TMEM178B: variants seen among roughly 807,000 people sequenced by gnomAD.
TMEM178B encodes the protein transmembrane protein 178B.
A neutral mutation model predicts 31.0 loss-of-function variants in TMEM178B; 5 were observed. The ratio of observed to expected loss-of-function variants is 0.16; its 90% CI spans 0.08 to 0.34. TMEM178B has a LOEUF of 0.34. Ranked by LOEUF, TMEM178B falls within the 10% of genes least tolerant of loss-of-function variation. TMEM178B has a pLI of 1.00. For synonymous variants in TMEM178B, 164 were observed against 164.0 expected, an observed-to-expected ratio of 1.00 and a Z score of 0.00; for missense variants, 275 against 400.3, an observed-to-expected ratio of 0.69 and a Z score of 2.67.
At chr7:141,509,187 T>C in the TMEM178B span, among the ~76,000 whole-genome samples, 2 of 152,150 alleles carry the variant, frequency 1.3e-5, no homozygotes, top group African/African-American at 4.8e-5. Flanking sequence ...TGGTATGTTC[T>C]TTAGAAGATA....
At chr7:141,165,678 A>C (rs1488300332) in intron 1 of TMEM178B, among the ~76,000 whole-genome samples, 1 of 152,176 alleles carries the variant, frequency 6.6e-6, no homozygotes, top group Non-Finnish European at 1.5e-5. Flanking sequence ...GTTCAACACA[A>C]AACTTCTGCT....
intron 2 of TMEM178B, chr7:141,416,449 C>A (rs1228109790): frequency 6.6e-6 from 1 of 152,558 alleles, no homozygotes; most frequent in Non-Finnish European, 1.5e-5. Context: ...AGAGAAATAT[C>A]TTGCCTCTTG....
intron 2 of TMEM178B, among the ~76,000 whole-genome samples, chr7:141,381,959 A>G (rs951104177): frequency 6.6e-6 from 1 of 151,762 alleles, no homozygotes; most frequent in Non-Finnish European, 1.5e-5. Context: ...ACCGTCTGCT[A>G]TCTAGTTAAT....
intron 2 of TMEM178B, among the ~76,000 whole-genome samples, chr7:141,304,222 C>A (rs59432351): frequency 6.6e-6 from 1 of 151,870 alleles, no homozygotes; most frequent in Admixed American, 6.6e-5. Flanking sequence ...ATCTTCCCAC[C>A]TGAAAGATCT....
Position 141,331,265 on chromosome 7 carries a change from T to C in TMEM178B, c.497-106343T>C, listed in dbSNP as rs561064394. Among the ~76,000 whole-genome samples, 6 of 152,264 alleles carry C rather than the reference T, an allele frequency of 3.9e-5. No homozygotes were observed. The South Asian group carries it at 1.2e-3, about 32-fold the overall frequency. ...GATGATAACACCAAGGGAGTAAATG[T>C]AAGTAGAAAAGAAAAGTATTGGACT... On this transcript the variant is annotated intron_variant, in intron 2 of 3. Transcript: ENST00000565468.
At chr7:141,507,254 G>A in the TMEM178B span, among the ~76,000 whole-genome samples, 1,167 of 152,304 alleles carry the variant, frequency 7.7e-3, 9 homozygotes, top group African/African-American at 0.024. Context: ...CTCCAACCCC[G>A]CGTTTCCCTT....
chr7:141,266,051 T>G (rs1798090626), intron 2 of TMEM178B, among the ~76,000 whole-genome samples: 1 of 152,198 alleles, frequency 6.6e-6, no homozygotes, highest in Non-Finnish European at 1.5e-5. Flanking sequence ...TCTAGCCCAT[T>G]CTGGAGCACA....
the TMEM178B span, among the ~76,000 whole-genome samples, chr7:141,490,631 C>G: frequency 3.3e-5 from 5 of 152,190 alleles, no homozygotes; most frequent in African/African-American, 1.2e-4. Context: ...CCAGCAAGCT[C>G]GTACACCTAT....
intron 1 of TMEM178B, among the ~76,000 whole-genome samples, chr7:141,154,325 T>C (rs1008401070): frequency 1.3e-5 from 2 of 152,254 alleles, no homozygotes; most frequent in African/African-American, 4.8e-5. Flanking sequence ...GGCCAGCCCA[T>C]GCCACATGGG....
intron 1 of TMEM178B, among the ~76,000 whole-genome samples, chr7:141,083,380 A>T (rs1435146007): frequency 2.0e-5 from 3 of 151,984 alleles, no homozygotes; most frequent in Non-Finnish European, 2.9e-5. Context: ...TTTGATGAGA[A>T]AGTTAGATTT....
chr7:141,182,753 C>T (rs549433512), intron 1 of TMEM178B, among the ~76,000 whole-genome samples: 32 of 152,248 alleles, frequency 2.1e-4, no homozygotes, highest in African/African-American at 7.5e-4. Context: ...TGGTGAATAA[C>T]GCTCATGAGA....
At chr7:141,265,051 G>C (rs767967999) in intron 2 of TMEM178B, among the ~76,000 whole-genome samples, 1 of 152,152 alleles carries the variant, frequency 6.6e-6, no homozygotes, top group Admixed American at 6.5e-5. Context: ...TGGTCAATTA[G>C]CTTAAAGACT....
At chr7:141,082,503 G>C (rs1794703537) in intron 1 of TMEM178B, among the ~76,000 whole-genome samples, 2 of 152,218 alleles carry the variant, frequency 1.3e-5, no homozygotes, top group South Asian at 4.1e-4. Context: ...GCACCTCCTT[G>C]CGTATACGCC....
intron 2 of TMEM178B, among the ~76,000 whole-genome samples, chr7:141,305,837 C>T (rs1167352426): frequency 6.6e-6 from 1 of 152,150 alleles, no homozygotes; most frequent in Non-Finnish European, 1.5e-5. Flanking sequence ...TCGAGGTTAT[C>T]ATGGGTGGTC....
intron 2 of TMEM178B, among the ~76,000 whole-genome samples, chr7:141,258,915 T>G (rs1797971723): frequency 6.6e-6 from 1 of 152,206 alleles, no homozygotes; most frequent in African/African-American, 2.4e-5. Flanking sequence ...CTTTTAACAC[T>G]TTGACTATAA....
chr7:141,458,631 G>C (rs886446609), intron 3 of TMEM178B, among the ~76,000 whole-genome samples: 5 of 150,904 alleles, frequency 3.3e-5, no homozygotes, highest in African/African-American at 7.3e-5. Context: ...TTTTTTTTTT[G>C]TCCTTGAGAA....
At chr7:141,504,900 C>T in the TMEM178B span, among the ~76,000 whole-genome samples, 9 of 152,228 alleles carry the variant, frequency 5.9e-5, no homozygotes, top group Admixed American at 5.2e-4. Context: ...TGTCCCAAGA[C>T]TATCAACCTG....
the TMEM178B span, among the ~76,000 whole-genome samples, chr7:141,503,339 G>A: frequency 6.6e-6 from 1 of 152,184 alleles, no homozygotes; most frequent in Non-Finnish European, 1.5e-5. Context: ...AGGCCTCAAC[G>A]AGTAAGTACC....
chr7:141,263,251 C>T (rs1233368579), intron 2 of TMEM178B, among the ~76,000 whole-genome samples: 4 of 152,166 alleles, frequency 2.6e-5, no homozygotes, highest in Admixed American at 2.6e-4. Context: ...CTGAGCATTC[C>T]TCTGGCTCCT....
Sources: gnomAD v4.1 joint callset for allele counts (sites outside exome capture counted in the v4.1 genomes callset) on GRCh38, gnomAD v4.1.1 for gene constraint, MANE v1.5 for transcripts, NCBI Gene and HGNC (gene_info 2026-07-23, HGNC 2026-07-21) for gene names.